Variants in WDHD1 observed in about 807,000 individuals in gnomAD.
WDHD1 encodes WD repeat and HMG-box DNA-binding protein 1.
A neutral mutation model predicts 135.4 loss-of-function variants in WDHD1; 111 were observed. That is an observed-to-expected ratio of 0.82 (90% confidence interval 0.70 to 0.96). The LOEUF (loss-of-function observed/expected upper bound fraction) is 0.96. Among genes scored for constraint, WDHD1 ranks in the 40% least tolerant of loss-of-function variants. The pLI is 0.00. For missense variants in WDHD1, 1,351 were observed against 1,336.3 expected (o/e 1.01, Z -0.17); for synonymous variants, 434 against 439.0 (o/e 0.99, Z 0.14).
chr14:55,016,322 T>C (rs1032371027), intron 2 of WDHD1, among the ~76,000 whole-genome samples: 51 of 152,194 alleles, frequency 3.4e-4, no homozygotes, highest in African/African-American at 1.2e-3. Flanking sequence ...ATCAAGTACA[T>C]ATTTAATAAA....
In WDHD1 at chr14:54,949,100, C is replaced by T. The variant is rs553644449; in HGVS notation, c.3051-4630G>A. Reference sequence around the variant, plus strand: ...AATTCTAAAAATCAGAGCACCTCTCCCCCCCCAAAGGAACGCAGCTCCTCA... The same window carrying T: ...AATTCTAAAAATCAGAGCACCTCTCTCCCCCCAAAGGAACGCAGCTCCTCA... On this transcript the variant is annotated intron_variant, in intron 24 of 25. Coordinates refer to ENST00000360586, the MANE Select transcript of WDHD1 (RefSeq NM_007086.4). Among the ~76,000 whole-genome samples, 1,085 of 152,180 alleles carry T rather than the reference C, an allele frequency of 7.1e-3. 12 individuals carry two copies. Among genetic ancestry groups the T allele is most frequent in the African/African-American group, 0.025 (1,026 of 41,544 alleles).
At chr14:54,941,776 T>C (rs2040843005) in intron 25 of WDHD1, 86 bp from the exon 26 acceptor site, 13 of 1,165,468 alleles carry the variant, frequency 1.1e-5, no homozygotes, top group Non-Finnish European at 1.6e-5. Flanking sequence ...TTCCAGGTAA[T>C]ATTTTTATAT....
Position 54,963,474 on chromosome 14 carries a change from T to C in WDHD1, c.2311-302A>G, listed in dbSNP as rs965734424. ...TGAAATATTACATACCACTTTAATC[T>C]ACTAATTGCAAGAAAATTAAGAAAT... On this transcript the variant is annotated intron_variant, in intron 18 of 25. Transcript: ENST00000360586. Among the ~76,000 whole-genome samples the C allele has an allele frequency of 3.9e-5, 6 of 152,196 alleles. No homozygotes were observed. The South Asian group carries it at 1.2e-3, about 32-fold the overall frequency.
intron 10 of WDHD1, among the ~76,000 whole-genome samples, chr14:54,997,446 A>C (rs570918717): frequency 3.3e-5 from 5 of 152,164 alleles, no homozygotes; most frequent in Non-Finnish European, 7.4e-5. Context: ...CTGAAAACTG[A>C]TGTTTAATAA....
intron 11 of WDHD1, 25 bp downstream of exon 11, chr14:54,995,578 C>CT: frequency 6.5e-7 from 1 of 1,539,254 alleles, no homozygotes. Flanking sequence ...ACAGGGTAAT[C>CT]ACATGCACAA....
chr14:54,968,037 G>C (rs1284311489), intron 16 of WDHD1, among the ~76,000 whole-genome samples: 1 of 152,084 alleles, frequency 6.6e-6, no homozygotes, highest in East Asian at 1.9e-4. Context: ...ACCTGTCATG[G>C]AATCCATGTT....
rs760883001 is a variant in WDHD1, at chr14:54,962,546, T to C, written c.2653A>G (p.Asn885Asp). ...GAATTTGTACTTTTGGAAAACGAGT[T>C]CTGTCCTACAGATTAAAATAAAGCA... ...EKPEIHKPGQ[N>D]SFSKSTNSSD... The change falls in exon 21 of 26, where the codon AAC (asparagine) becomes GAC (aspartate). Residue 885 changes from asparagine (N) to aspartate (D), a missense_variant. By Grantham distance (23) the Asn-to-Asp change is conservative. This residue lies in a region of WDHD1 where 1,330 missense variants were observed against 1,296.1 expected (regional missense o/e 1.03). Transcript: ENST00000360586. 2.1e-5 allele frequency: 33 copies of C among 1,609,210 alleles called. No individual in the cohort carries two copies. The highest frequency in any genetic ancestry group is 1.4e-4 in the South Asian group (13 of 90,616).
intron 16 of WDHD1, among the ~76,000 whole-genome samples, chr14:54,972,486 G>A (rs531617586): frequency 3.7e-5 from 5 of 133,588 alleles, no homozygotes; most frequent in Admixed American, 8.7e-5. Context: ...GGTAAAGCAC[G>A]AGAATCTCTT....
intron 2 of WDHD1, among the ~76,000 whole-genome samples, chr14:55,021,761 C>T (rs1408301998): frequency 6.6e-6 from 1 of 152,032 alleles, no homozygotes; most frequent in African/African-American, 2.4e-5. Context: ...TTTGCCATAC[C>T]CACAATCTCC....
At chr14:54,981,841 C>G in intron 15 of WDHD1, 145 bp from the exon 16 acceptor site, 1 of 474,264 alleles carries the variant, frequency 2.1e-6, no homozygotes, top group South Asian at 5.0e-5. Flanking sequence ...AAGATTATTA[C>G]GTAAAATTTC....
chr14:55,001,661 A>C (rs181858723), intron 8 of WDHD1, among the ~76,000 whole-genome samples: 1 of 149,896 alleles, frequency 6.7e-6, no homozygotes, highest in East Asian at 1.9e-4. Flanking sequence ...AAGATGAAGA[A>C]AACTAGTAAG....
At chr14:55,023,421 G>A (rs1390461751) in intron 2 of WDHD1, among the ~76,000 whole-genome samples, 1 of 152,172 alleles carries the variant, frequency 6.6e-6, no homozygotes, top group Non-Finnish European at 1.5e-5. Context: ...TCCTTACACT[G>A]GATTCATTTA....
chr14:54,970,236 A>T (rs2041408933), intron 16 of WDHD1, among the ~76,000 whole-genome samples: 1 of 152,188 alleles, frequency 6.6e-6, no homozygotes, highest in Non-Finnish European at 1.5e-5. Context: ...AAAAGAAGTC[A>T]AATATCTCTC....
chr14:54,994,338 A>G (rs374328357), intron 11 of WDHD1, among the ~76,000 whole-genome samples: 2 of 152,184 alleles, frequency 1.3e-5, no homozygotes. Context: ...TAATATTGCC[A>G]TTATGCCTTT....
chr14:54,976,750 ATAAT>A, intron 16 of WDHD1, among the ~76,000 whole-genome samples: 1 of 152,150 alleles, frequency 6.6e-6, no homozygotes, highest in East Asian at 1.9e-4. Context: ...TAAATAATAA[ATAAT>A]AAATAAATAA....
intron 7 of WDHD1, chr14:55,004,868 C>A: frequency 1.9e-6 from 1 of 515,386 alleles, no homozygotes; most frequent in Admixed American, 2.0e-5. Context: ...AGTGGGGAGC[C>A]GCAGACCAGT....
intron 2 of WDHD1, among the ~76,000 whole-genome samples, chr14:55,014,338 T>C (rs1438382805): frequency 6.6e-6 from 1 of 152,196 alleles, no homozygotes; most frequent in Non-Finnish European, 1.5e-5. Flanking sequence ...GATCTGCCTG[T>C]CTTGACCTCC....
intron 2 of WDHD1, among the ~76,000 whole-genome samples, chr14:55,023,429 T>C (rs986153505): frequency 8.5e-5 from 13 of 152,236 alleles, no homozygotes; most frequent in South Asian, 8.3e-4. Flanking sequence ...CTGGATTCAT[T>C]TATCTTGAAA....
intron 2 of WDHD1, among the ~76,000 whole-genome samples, chr14:55,014,053 T>G (rs926403849): frequency 2.0e-5 from 3 of 152,248 alleles, no homozygotes; most frequent in African/African-American, 7.2e-5. Flanking sequence ...AGTGCTAATT[T>G]CCTTCTATAA....
Sources: allele counts gnomAD v4.1 joint callset (sites outside exome capture counted in the v4.1 genomes callset), GRCh38; gene constraint gnomAD v4.1.1; regional missense constraint gnomAD v4.1.1; transcripts MANE v1.5; gene names NCBI Gene and HGNC (gene_info 2026-07-23, HGNC 2026-07-21).